NALF1: variants seen among roughly 807,000 people sequenced by gnomAD.
NALF1 encodes the protein NALCN channel auxiliary factor 1.
A neutral mutation model predicts 48.4 loss-of-function variants in NALF1; 3 were observed. The observed-to-expected ratio is 0.06, with a 90% CI of 0.03 to 0.16. NALF1 has a LOEUF of 0.16. NALF1 is among the 10% of genes least tolerant of loss of function. The pLI is 1.00. For synonymous variants in NALF1, 262 were observed against 245.7 expected (o/e 1.07, Z -0.62); for missense variants, 526 against 571.5 (o/e 0.92, Z 0.81).
intron 1 of NALF1, among the ~76,000 whole-genome samples, chr13:107,656,773 C>G (rs887129918): frequency 6.6e-6 from 1 of 152,118 alleles, no homozygotes; most frequent in Non-Finnish European, 1.5e-5. Flanking sequence ...GTCTATCAAT[C>G]AATGAGTGGA....
At chr13:107,481,303 A>G (rs1216001748) in intron 1 of NALF1, among the ~76,000 whole-genome samples, 1 of 152,152 alleles carries the variant, frequency 6.6e-6, no homozygotes, top group Admixed American at 6.5e-5. Flanking sequence ...CCATCCCTAA[A>G]ATGCCGAATA....
At chr13:107,222,424 G>C (rs1456819807) in intron 1 of NALF1, among the ~76,000 whole-genome samples, 2 of 152,002 alleles carry the variant, frequency 1.3e-5, no homozygotes, top group East Asian at 1.9e-4. Context: ...CACATGAACT[G>C]TTATATAATG....
intron 1 of NALF1, among the ~76,000 whole-genome samples, chr13:107,556,389 G>A (rs1273962827): frequency 1.3e-5 from 2 of 150,708 alleles, no homozygotes; most frequent in Non-Finnish European, 2.9e-5. Flanking sequence ...AATAATATTT[G>A]GATCAGAACT....
At chr13:107,673,362 G>A (rs922186764) in intron 1 of NALF1, among the ~76,000 whole-genome samples, 2 of 152,102 alleles carry the variant, frequency 1.3e-5, no homozygotes, top group East Asian at 3.9e-4. Flanking sequence ...GTCCCAGGGA[G>A]GCAATGCAGT....
At chr13:107,285,614 T>C (rs1881478105) in intron 1 of NALF1, among the ~76,000 whole-genome samples, 3 of 152,160 alleles carry the variant, frequency 2.0e-5, no homozygotes, top group Non-Finnish European at 4.4e-5. Context: ...ACCATGGGTA[T>C]ATTGTTTTAT....
intron 1 of NALF1, among the ~76,000 whole-genome samples, chr13:107,748,381 T>C (rs1876841648): frequency 6.6e-6 from 1 of 152,208 alleles, no homozygotes; most frequent in South Asian, 2.1e-4. Flanking sequence ...CCTTGTTTAA[T>C]ATAAGGAGAA....
intron 1 of NALF1, among the ~76,000 whole-genome samples, chr13:107,836,778 T>C (rs1481340176): frequency 6.6e-6 from 1 of 152,200 alleles, no homozygotes; most frequent in South Asian, 2.1e-4. Context: ...GCTGAGATAA[T>C]TTAAGTGAAA....
At chr13:107,335,785 A>G (rs1471086697) in intron 1 of NALF1, among the ~76,000 whole-genome samples, 1 of 152,232 alleles carries the variant, frequency 6.6e-6, no homozygotes. Flanking sequence ...TTTTCAGTCG[A>G]TTCTATCCCA....
At chr13:107,491,828 T>G (rs980131665) in intron 1 of NALF1, among the ~76,000 whole-genome samples, 3 of 152,010 alleles carry the variant, frequency 2.0e-5, no homozygotes. Flanking sequence ...TTGTAAAAAT[T>G]AAAAAGAAAT....
chr13:107,599,841 G>C (rs1228343201), intron 1 of NALF1, among the ~76,000 whole-genome samples: 1 of 152,052 alleles, frequency 6.6e-6, no homozygotes, highest in African/African-American at 2.4e-5. Context: ...AATCATACCT[G>C]CATTCCTGTA....
chr13:107,827,922 C>T (rs968412248), intron 1 of NALF1, among the ~76,000 whole-genome samples: 1 of 152,100 alleles, frequency 6.6e-6, no homozygotes, highest in Non-Finnish European at 1.5e-5. Context: ...AGAAGAAAAA[C>T]TCTTCTGGGA....
chr13:107,866,898 T>TGG lies in NALF1; in HGVS notation c.-304_-303dup, dbSNP rs397851527. Among the ~76,000 whole-genome samples, 1 of 133,168 alleles carries TGG rather than the reference T, an allele frequency of 7.5e-6. No individual in the cohort carries two copies. Among genetic ancestry groups the TGG allele is most frequent in the Non-Finnish European group, 1.8e-5 (1 of 55,266 alleles). 87.4% of individuals were successfully genotyped at this position (133,168 alleles called of 152,430 possible). ...TCCTCTGTAGAGTGGGAAACAATAA[T>TGG]GGAGAGAGAGAGAGAGAGAGAGACG... On this transcript the variant is annotated 5_prime_UTR_variant, in exon 1 of 3. Transcript: ENST00000375915. The surrounding 1 kb of genome is among the most constrained non-coding windows in gnomAD (Gnocchi z 4.4).
chr13:107,441,023 T>C (rs1324256358), intron 1 of NALF1, among the ~76,000 whole-genome samples: 2 of 152,164 alleles, frequency 1.3e-5, no homozygotes, highest in East Asian at 3.9e-4. Context: ...TCCAAACCAA[T>C]GTTTTCAAAA....
chr13:107,244,363 C>A (rs1002661724), intron 1 of NALF1, among the ~76,000 whole-genome samples: 24 of 152,308 alleles, frequency 1.6e-4, no homozygotes, highest in Admixed American at 1.4e-3. Flanking sequence ...AATGCCACAT[C>A]CCCTATTTAC....
At chr13:107,678,596 A>G (rs769781131) in intron 1 of NALF1, among the ~76,000 whole-genome samples, 4 of 152,246 alleles carry the variant, frequency 2.6e-5, no homozygotes, top group Non-Finnish European at 4.4e-5. Flanking sequence ...GTTATAAAGA[A>G]CTGCCCCAGA....
intron 1 of NALF1, among the ~76,000 whole-genome samples, chr13:107,449,519 A>G (rs536859089): frequency 6.6e-6 from 1 of 152,336 alleles, no homozygotes; most frequent in South Asian, 2.1e-4. Flanking sequence ...GAAGTCTGGT[A>G]AAATATAGCA....
intron 1 of NALF1, among the ~76,000 whole-genome samples, chr13:107,593,424 C>T (rs74112280): frequency 0.014 from 2,172 of 151,896 alleles, 57 homozygotes; most frequent in African/African-American, 0.05. Context: ...CAAATGTTGA[C>T]TGAATTAAAT....
rs754074536 is a variant in NALF1, at chr13:107,427,901, T to A, written c.916-217146A>T. 3.3e-5 allele frequency among the ~76,000 whole-genome samples: 5 copies of A among 152,292 alleles called. No individual in the cohort carries two copies. The South Asian group carries it at 6.2e-4, about 19-fold the overall frequency. ...TAAAGTTCAATATCCTAAAGAACAATGCAATTCAATTTCACAAGCATGTAT... is the reference window on the plus strand; with the variant it reads ...TAAAGTTCAATATCCTAAAGAACAAAGCAATTCAATTTCACAAGCATGTAT... On this transcript the variant is annotated intron_variant, in intron 1 of 2. Transcript: ENST00000375915.
At chr13:107,778,453 C>A (rs1195542522) in intron 1 of NALF1, among the ~76,000 whole-genome samples, 1 of 152,078 alleles carries the variant, frequency 6.6e-6, no homozygotes, top group Non-Finnish European at 1.5e-5. Context: ...GGGGTATGAT[C>A]ACTGAATTCA....
Sources: gnomAD v4.1 joint callset for allele counts (sites outside exome capture counted in the v4.1 genomes callset) on GRCh38, gnomAD v4.1.1 for gene constraint, Gnocchi (gnomAD v3.1) non-coding constraint, MANE v1.5 for transcripts, NCBI Gene and HGNC (gene_info 2026-07-23, HGNC 2026-07-21) for gene names.